Variants in ERC2 observed in about 807,000 individuals in gnomAD.
ERC2 encodes the protein ERC protein 2.
Under a neutral mutation model 114.8 loss-of-function variants are expected in ERC2, and 42 were observed. The observed-to-expected ratio is 0.37, with a 90% CI of 0.29 to 0.47. ERC2 has a LOEUF of 0.47. Ranked by LOEUF, ERC2 falls within the 20% of genes least tolerant of loss-of-function variation. The pLI is 0.99. For synonymous variants in ERC2, 454 were observed against 425.5 expected (o/e 1.07, Z -0.82); for missense variants, 939 against 1,150.7 (o/e 0.82, Z 2.66).
At chr3:56,088,113 C>A (rs990516801) in intron 6 of ERC2, among the ~76,000 whole-genome samples, 1 of 152,072 alleles carries the variant, frequency 6.6e-6, no homozygotes, top group African/African-American at 2.4e-5. Flanking sequence ...CCATACCACA[C>A]TCCTTTTCTT....
chr3:56,035,881 A>G (rs971321319), intron 7 of ERC2, among the ~76,000 whole-genome samples: 2 of 152,224 alleles, frequency 1.3e-5, no homozygotes, highest in Non-Finnish European at 2.9e-5. Flanking sequence ...CATTACCCTG[A>G]TACCAAAGCC....
chr3:55,779,355 A>T (rs538984001), intron 14 of ERC2, among the ~76,000 whole-genome samples: 1 of 145,502 alleles, frequency 6.9e-6, no homozygotes, highest in African/African-American at 2.6e-5. Flanking sequence ...AAAAAAAATT[A>T]GCTGGGTGTA....
At chr3:55,850,905 G>T (rs1333523548) in intron 14 of ERC2, among the ~76,000 whole-genome samples, 1 of 138,740 alleles carries the variant, frequency 7.2e-6, no homozygotes, top group Non-Finnish European at 1.5e-5. Context: ...AGAACCAAAG[G>T]GCAACATTTG....
chr3:55,582,167 T>C (rs755217493), intron 17 of ERC2, among the ~76,000 whole-genome samples: 44 of 152,188 alleles, frequency 2.9e-4, no homozygotes, highest in Admixed American at 2.6e-3. Context: ...GACTAGATCA[T>C]GGGCCCCAGT....
intron 14 of ERC2, among the ~76,000 whole-genome samples, chr3:55,789,525 C>T (rs1477411107): frequency 1.3e-5 from 2 of 152,260 alleles, no homozygotes; most frequent in African/African-American, 2.4e-5. Context: ...GAGAGATTAC[C>T]GATGCAGACA....
At chr3:56,219,674 GAAA>G (rs35098698) in intron 3 of ERC2, among the ~76,000 whole-genome samples, 3 of 123,112 alleles carry the variant, frequency 2.4e-5, no homozygotes, top group Admixed American at 8.6e-5. Flanking sequence ...GCTCAAGTGC[GAAA>G]AAAAAAAAAA....
intron 2 of ERC2, among the ~76,000 whole-genome samples, chr3:56,410,525 G>A (rs775466745): frequency 1.3e-5 from 2 of 152,150 alleles, no homozygotes; most frequent in Non-Finnish European, 2.9e-5. Flanking sequence ...GTAAAATAAC[G>A]CCAGTTTACA....
At chr3:56,077,255 T>C (rs1375664410) in intron 7 of ERC2, among the ~76,000 whole-genome samples, 1 of 152,188 alleles carries the variant, frequency 6.6e-6, no homozygotes, top group African/African-American at 2.4e-5. Flanking sequence ...ATTGCAGGTA[T>C]AATAGAGCTC....
intron 13 of ERC2, among the ~76,000 whole-genome samples, chr3:55,897,684 C>T (rs921542511): frequency 8.5e-5 from 13 of 152,306 alleles, no homozygotes; most frequent in Admixed American, 8.5e-4. Flanking sequence ...GCAACTCCTC[C>T]GACAGTGATG....
intron 17 of ERC2, among the ~76,000 whole-genome samples, chr3:55,544,601 T>C (rs1020583545): frequency 2.6e-5 from 4 of 152,218 alleles, no homozygotes; most frequent in Admixed American, 2.6e-4. Context: ...AAATCTGAAT[T>C]CTGAGTTGTT....
chr3:55,950,500 C>A lies in ERC2; in HGVS notation c.2328G>T (p.Lys776Asn), dbSNP rs905170482. The A allele has an allele frequency of 1.2e-6, 2 of 1,613,898 alleles. No homozygotes were observed. Among genetic ancestry groups the A allele is most frequent in the African/African-American group, 2.7e-5 (2 of 74,932 alleles). ...CTTCTAGTAACTGAGCATTTTTCTT[C>A]TTTTCCAACTGTTGATTGTGCTTGA... ...ANLKHNQQLE[K>N]KKNAQLLEEV... Residue 776 changes from lysine to asparagine, a missense_variant, in exon 13 of 18, where the codon AAG becomes AAT. By Grantham distance (94) the Lys-to-Asn change is moderately conservative. Coordinates refer to ENST00000288221, the MANE Select transcript of ERC2 (RefSeq NM_015576.3).
intron 3 of ERC2, among the ~76,000 whole-genome samples, chr3:56,177,896 C>T (rs1032763673): frequency 3.3e-5 from 5 of 152,146 alleles, no homozygotes; most frequent in African/African-American, 1.2e-4. Flanking sequence ...CCTATTCTCA[C>T]TTTTAAAAAC....
At chr3:56,176,412 C>T (rs146767093) in intron 3 of ERC2, among the ~76,000 whole-genome samples, 255 of 152,116 alleles carry the variant, frequency 1.7e-3, no homozygotes, top group African/African-American at 5.9e-3. Context: ...GGTAAACATG[C>T]AATAAAAAAG....
intron 10 of ERC2, among the ~76,000 whole-genome samples, chr3:56,001,347 A>C (rs1197057159): frequency 6.6e-6 from 1 of 152,046 alleles, no homozygotes; most frequent in African/African-American, 2.4e-5. Flanking sequence ...TTTTACAACT[A>C]AGAAAAACAT....
intron 14 of ERC2, among the ~76,000 whole-genome samples, chr3:55,871,592 T>C (rs546080888): frequency 2.0e-5 from 3 of 152,264 alleles, no homozygotes; most frequent in African/African-American, 7.2e-5. Flanking sequence ...GGCCAAGAAG[T>C]TGAAAAGAGA....
At chr3:56,220,400 T>A (rs147227589) in intron 3 of ERC2, among the ~76,000 whole-genome samples, 11 of 152,318 alleles carry the variant, frequency 7.2e-5, no homozygotes, top group African/African-American at 2.6e-4. Flanking sequence ...AAACACTGCC[T>A]ACAATCAGGG....
intron 2 of ERC2, among the ~76,000 whole-genome samples, chr3:56,356,521 G>T (rs2058749883): frequency 1.3e-5 from 2 of 152,182 alleles, no homozygotes; most frequent in South Asian, 4.1e-4. Context: ...CGACTCCTGA[G>T]CTCAGACCTC....
intron 17 of ERC2, among the ~76,000 whole-genome samples, chr3:55,680,154 G>A (rs1456277504): frequency 1.3e-5 from 2 of 152,182 alleles, no homozygotes; most frequent in Admixed American, 6.5e-5. Flanking sequence ...GCATCTACTA[G>A]CATCACAGCC....
chr3:56,365,700 C>T (rs1052653693), intron 2 of ERC2, among the ~76,000 whole-genome samples: 4 of 152,180 alleles, frequency 2.6e-5, no homozygotes, highest in African/African-American at 9.7e-5. Context: ...AATTCAAATT[C>T]CAGTGTTAAT....
Sources: allele counts gnomAD v4.1 joint callset (sites outside exome capture counted in the v4.1 genomes callset), GRCh38; gene constraint gnomAD v4.1.1; transcripts MANE v1.5; gene names NCBI Gene and HGNC (gene_info 2026-07-23, HGNC 2026-07-21).